The following CEP83 variants were observed in gnomAD, a reference collection of about 807,000 sequenced individuals.
CEP83 encodes the protein centrosomal protein of 83 kDa.
In CEP83, 70 loss-of-function variants were observed where a neutral mutation model predicts 101.9. The ratio of observed to expected loss-of-function variants is 0.69; its 90% CI spans 0.57 to 0.84. The LOEUF (loss-of-function observed/expected upper bound fraction) is 0.84, where lower values mean the gene tolerates loss of function less well. CEP83 is among the 40% of genes least tolerant of loss of function. The pLI, the probability that CEP83 is intolerant of heterozygous loss-of-function variation, is 0.00. For synonymous variants in CEP83, 264 were observed against 267.9 expected, an observed-to-expected ratio of 0.99 and a Z score of 0.14; for missense variants, 715 against 787.2, an observed-to-expected ratio of 0.91 and a Z score of 1.10.
intron 2 of CEP83, among the ~76,000 whole-genome samples, chr12:94,427,649 C>T (rs2065305756): frequency 6.6e-6 from 1 of 152,206 alleles, no homozygotes; most frequent in African/African-American, 2.4e-5. Flanking sequence ...GCTTCCAAAA[C>T]ACATTCCATT....
chr12:94,317,044 G>A (rs562821850), intron 14 of CEP83, among the ~76,000 whole-genome samples: 2 of 152,244 alleles, frequency 1.3e-5, no homozygotes, highest in South Asian at 4.2e-4. Context: ...CACCAACAGT[G>A]TATCAAAGTA....
rs1566141713 is a variant in CEP83 at position 94,416,575 on chromosome 12, A to ACAC, written c.-101-3985_-101-3984insGTG. Among the ~76,000 whole-genome samples the ACAC allele has an allele frequency of 9.6e-3, 1,294 of 134,352 alleles. 17 individuals are homozygous for ACAC. The highest frequency in any genetic ancestry group is 0.011 in the Non-Finnish European group (683 of 61,866). 88.1% of individuals were successfully genotyped at this position (134,352 alleles called of 152,430 possible). Reference sequence around the variant, plus strand: ...ATACACACACACACACACACACACAAAAAAAAAAAAACTGTAGTTCCACCC... The same window carrying ACAC: ...ATACACACACACACACACACACACAACACAAAAAAAAAAACTGTAGTTCCACCC... On this transcript the variant is annotated intron_variant, in intron 2 of 16. Transcript: ENST00000397809.
chr12:94,341,202 G>C (rs2059670478), intron 11 of CEP83, among the ~76,000 whole-genome samples: 1 of 150,392 alleles, frequency 6.6e-6, no homozygotes, highest in Admixed American at 6.6e-5. Context: ...ATAAGCTAGT[G>C]GTAAAAAAAA....
At chr12:94,307,553 T>G (rs1969184646), downstream of CEP83, 2 of 152,104 alleles carry the variant, frequency 1.3e-5, no homozygotes, top group African/African-American at 4.8e-5. Flanking sequence ...AAAAAAATTC[T>G]GTTACCTTTT....
rs2061098108 is a variant in CEP83 at position 94,367,855 on chromosome 12, C to CT, written c.1281dup (p.Glu428ArgfsTer21). ...GCCATCTGTGAAGCCCGCAATTTCT[C>CT]TTCATACTGATCCTTTTCAGATTGC... is the stretch of plus-strand genomic sequence containing the variant. On this transcript the variant is annotated frameshift_variant, in exon 11 of 17. Transcript: ENST00000397809. LOFTEE classifies it high-confidence loss of function. The CT allele has an allele frequency of 6.2e-7, 1 of 1,613,756 alleles. No homozygotes were observed. Among genetic ancestry groups the CT allele is most frequent in the East Asian group, 2.2e-5 (1 of 44,838 alleles).
chr12:94,329,856 T>C (rs1055218712), intron 14 of CEP83, among the ~76,000 whole-genome samples: 1 of 152,158 alleles, frequency 6.6e-6, no homozygotes, highest in African/African-American at 2.4e-5. Flanking sequence ...TATAAAACAC[T>C]GGGATCCCTA....
chr12:94,417,116 C>T (rs1593878457), intron 2 of CEP83, among the ~76,000 whole-genome samples: 1 of 152,050 alleles, frequency 6.6e-6, no homozygotes, highest in Admixed American at 6.5e-5. Flanking sequence ...GAGTTCGAGA[C>T]CAGCCTGGGC....
At chr12:94,296,449 C>T in the CEP83 span, among the ~76,000 whole-genome samples, 23 of 152,228 alleles carry the variant, frequency 1.5e-4, no homozygotes, top group African/African-American at 5.5e-4. Flanking sequence ...ATGTGAGCCA[C>T]TGAGCCTCTC....
At chr12:94,296,824 CA>C in the CEP83 span, among the ~76,000 whole-genome samples, 1 of 152,198 alleles carries the variant, frequency 6.6e-6, no homozygotes, top group African/African-American at 2.4e-5. Context: ...GGCCAGAATG[CA>C]AATTCCATCA....
chr12:94,456,734 T>C (rs551435001), intron 1 of CEP83, among the ~76,000 whole-genome samples: 2 of 152,216 alleles, frequency 1.3e-5, no homozygotes, highest in Non-Finnish European at 2.9e-5. Context: ...ACCTGGTCTC[T>C]TCCCTGACAC....
At position 94,423,937 on chromosome 12, in the gene CEP83, C is replaced by G. The variant is rs1466586719; in HGVS notation, c.-102+11338G>C. The G allele has an allele frequency of 1.9e-6, 3 of 1,611,948 alleles. No homozygotes were observed. The East Asian group carries it at 6.7e-5, about 36-fold the overall frequency. The stretch of plus-strand genomic sequence containing the variant: ...CTGTGCTGCTGAGGCAGAGATGGCC[C>G]AGTTGCTGGGTAAGGGGTCCCATCA... On this transcript the variant is annotated intron_variant, in intron 2 of 16. Transcript: ENST00000397809.
At chr12:94,348,222 A>G (rs1359350099) in intron 11 of CEP83, among the ~76,000 whole-genome samples, 1 of 152,038 alleles carries the variant, frequency 6.6e-6, no homozygotes, top group East Asian at 1.9e-4. Context: ...ACAGAAAAAA[A>G]ATTTAAAAAA....
At chr12:94,430,278 A>C (rs1267678494) in intron 2 of CEP83, among the ~76,000 whole-genome samples, 1 of 152,184 alleles carries the variant, frequency 6.6e-6, no homozygotes, top group Admixed American at 6.5e-5. Context: ...AATCAAAAAT[A>C]AATTCACAAA....
chr12:94,454,708 G>A (rs1400342083), intron 1 of CEP83, among the ~76,000 whole-genome samples: 1 of 152,202 alleles, frequency 6.6e-6, no homozygotes, highest in African/African-American at 2.4e-5. Context: ...CTGCCTTTAT[G>A]AGCTGTAACA....
chr12:94,440,142 CT>C (rs1418391630), intron 1 of CEP83, among the ~76,000 whole-genome samples: 1 of 152,146 alleles, frequency 6.6e-6, no homozygotes, highest in Non-Finnish European at 1.5e-5. Context: ...AGGATGTCCA[CT>C]TTCACCACTT....
chr12:94,346,065 T>A (rs1470291066), intron 11 of CEP83, among the ~76,000 whole-genome samples: 1 of 152,080 alleles, frequency 6.6e-6, no homozygotes, highest in East Asian at 1.9e-4. Flanking sequence ...CTTATTGTTT[T>A]TTTGAGACGG....
intron 6 of CEP83, among the ~76,000 whole-genome samples, chr12:94,390,945 C>T (rs533964296): frequency 3.0e-4 from 46 of 151,998 alleles, no homozygotes; most frequent in African/African-American, 1.1e-3. Context: ...CAAAAAGAAA[C>T]GAACAAAGCC....
intron 2 of CEP83, among the ~76,000 whole-genome samples, chr12:94,420,094 T>C (rs1285796039): frequency 2.0e-5 from 3 of 152,190 alleles, no homozygotes; most frequent in African/African-American, 7.2e-5. Flanking sequence ...TACTAATTTG[T>C]AAAAATTATT....
chr12:94,306,046 C>T (rs1968971554), downstream of CEP83: 2 of 152,100 alleles, frequency 1.3e-5, no homozygotes, highest in South Asian at 4.1e-4. Flanking sequence ...TTTTTTCATA[C>T]TAAATGTATT....
Sources: allele counts gnomAD v4.1 joint callset (sites outside exome capture counted in the v4.1 genomes callset), GRCh38; gene constraint gnomAD v4.1.1; transcripts MANE v1.5; gene names NCBI Gene and HGNC (gene_info 2026-07-23, HGNC 2026-07-21).